Variants in EPB41L2 observed in about 807,000 individuals in gnomAD.
EPB41L2 encodes the protein band 4.1-like protein 2.
Under a neutral mutation model 113.0 loss-of-function variants are expected in EPB41L2, and 43 were observed. That is an observed-to-expected ratio of 0.38 (90% CI 0.30 to 0.49). The LOEUF is 0.49. Among genes scored for constraint, EPB41L2 ranks in the 20% least tolerant of loss-of-function variants. EPB41L2 has a pLI of 0.95. For missense variants in EPB41L2, 1,147 were observed against 1,223.4 expected, an observed-to-expected ratio of 0.94 and a Z score of 0.93; for synonymous variants, 442 against 436.7, an observed-to-expected ratio of 1.01 and a Z score of -0.15.
intron 4 of EPB41L2, among the ~76,000 whole-genome samples, chr6:130,919,089 C>T (rs563175242): frequency 2.6e-5 from 4 of 152,122 alleles, no homozygotes; most frequent in African/African-American, 4.8e-5. Context: ...AAAGATATTG[C>T]TAATTGTATT....
At position 130,885,122 on chromosome 6, in the gene EPB41L2, G is replaced by C; in HGVS notation, c.1807C>G (p.Pro603Ala). The C allele has an allele frequency of 6.2e-7, 1 of 1,614,052 alleles. No individual in the cohort carries two copies. Among genetic ancestry groups the C allele is most frequent in the South Asian group, 1.1e-5 (1 of 91,062 alleles). Reference protein sequence around the residue: ...RREVRSPTKAPHLQLIEGKKN... With the variant: ...RREVRSPTKAAHLQLIEGKKN... Reference sequence around the variant, plus strand: ...TTTCCTTCAATGAGCTGCAAATGTGGGGCTTTAGTTGGGCTTCTCACTTCC... The same window carrying C: ...TTTCCTTCAATGAGCTGCAAATGTGCGGCTTTAGTTGGGCTTCTCACTTCC... Residue 603 changes from proline (P) to alanine (A), a missense_variant, in exon 12 of 20, where the codon CCA (proline) becomes GCA (alanine). By Grantham distance (27) the Pro-to-Ala change is conservative. Coordinates refer to ENST00000337057, the MANE Select transcript of EPB41L2 (RefSeq NM_001431.4).
Position 130,910,184 on chromosome 6 carries a change from T to C in EPB41L2, c.811-1321A>G, listed in dbSNP as rs1009077415. On this transcript the variant is annotated intron_variant, in intron 4 of 19. Coordinates refer to ENST00000337057, the MANE Select transcript of EPB41L2 (RefSeq NM_001431.4). ...TGGTACTGGTACCAAAACAGATATATAGACCAATGGAACAGAACAGATGCC... is the reference window on the plus strand; with the variant it reads ...TGGTACTGGTACCAAAACAGATATACAGACCAATGGAACAGAACAGATGCC... 6.2e-4 allele frequency among the ~76,000 whole-genome samples: 95 copies of C among 152,082 alleles called. 2 individuals are homozygous for C. The highest frequency in any genetic ancestry group is 4.1e-4 in the South Asian group (2 of 4,820).
At chr6:131,054,562 C>CCTTCAGGTCT (rs368682201) in intron 1 of EPB41L2, among the ~76,000 whole-genome samples, 1 of 152,174 alleles carries the variant, frequency 6.6e-6, no homozygotes, top group Non-Finnish European at 1.5e-5. Context: ...TCCTCAGGTC[C>CCTTCAGGTCT]CTTCAGGTCT....
At chr6:131,055,873 T>A (rs1251861647) in intron 1 of EPB41L2, among the ~76,000 whole-genome samples, 1 of 152,148 alleles carries the variant, frequency 6.6e-6, no homozygotes, top group Non-Finnish European at 1.5e-5. Context: ...ACATGGTTAT[T>A]GATTATCAAA....
rs780758511 is a variant in EPB41L2 at position 130,954,040 on chromosome 6, C to CTTT, written c.705+1062_705+1064dup. ...TCCTCTTTTGCTAGTCCTTTTCTTT[C>CTTT]TTTTTTTTTTTTTTTTTTTTTTTTT... On this transcript the variant is annotated intron_variant, in intron 3 of 19. Coordinates refer to ENST00000337057, the MANE Select transcript of EPB41L2 (RefSeq NM_001431.4). 3.4e-3 allele frequency among the ~76,000 whole-genome samples: 200 copies of CTTT among 58,834 alleles called. 22 individuals carry two copies. Among genetic ancestry groups the CTTT allele is most frequent in the Middle Eastern group, 0.015 (1 of 68 alleles). 38.6% of individuals were successfully genotyped at this position (58,834 alleles called of 152,430 possible).
At chr6:130,938,618 T>C (rs1332468257) in intron 3 of EPB41L2, among the ~76,000 whole-genome samples, 1 of 152,176 alleles carries the variant, frequency 6.6e-6, no homozygotes, top group African/African-American at 2.4e-5. Context: ...CTACTGGTAG[T>C]GTGCCCACCT....
intron 1 of EPB41L2, among the ~76,000 whole-genome samples, chr6:130,991,244 A>T (rs1343477610): frequency 6.6e-6 from 1 of 152,132 alleles, no homozygotes; most frequent in African/African-American, 2.4e-5. Flanking sequence ...CCCATCTGCC[A>T]TGTTAGTAAT....
At chr6:130,915,958 T>A (rs1800917084) in intron 4 of EPB41L2, among the ~76,000 whole-genome samples, 1 of 152,232 alleles carries the variant, frequency 6.6e-6, no homozygotes, top group South Asian at 2.1e-4. Context: ...TATGTCTTTA[T>A]CAGCAGTATG....
intron 1 of EPB41L2, among the ~76,000 whole-genome samples, chr6:130,970,872 C>T (rs957272944): frequency 6.6e-6 from 1 of 152,026 alleles, no homozygotes; most frequent in Admixed American, 6.6e-5. Flanking sequence ...AATTTAATGC[C>T]TTGTACTTTT....
intron 4 of EPB41L2, among the ~76,000 whole-genome samples, chr6:130,920,813 C>T (rs1562489751): frequency 6.6e-6 from 1 of 152,042 alleles, no homozygotes; most frequent in Non-Finnish European, 1.5e-5. Context: ...CCTGGCCTCT[C>T]AAATTCTTTA....
At chr6:130,846,797 T>C (rs872577) in intron 19 of EPB41L2, among the ~76,000 whole-genome samples, 48,852 of 152,054 alleles carry the variant, frequency 0.32, 8,598 homozygotes, top group East Asian at 0.47. Flanking sequence ...TTACTTCAAA[T>C]AGTAATAAAG....
intron 1 of EPB41L2, among the ~76,000 whole-genome samples, chr6:131,045,248 A>G (rs1046910559): frequency 8.5e-5 from 13 of 152,058 alleles, no homozygotes; most frequent in Non-Finnish European, 1.5e-5. Context: ...ACCCCTTAAA[A>G]TGAGGTATCT....
At chr6:130,912,915 T>C (rs1583379503) in intron 4 of EPB41L2, among the ~76,000 whole-genome samples, 1 of 152,080 alleles carries the variant, frequency 6.6e-6, no homozygotes, top group South Asian at 2.1e-4. Context: ...CCCCAGAATA[T>C]TAACACAGAG....
intron 3 of EPB41L2, among the ~76,000 whole-genome samples, chr6:130,952,921 A>C (rs1391765339): frequency 6.6e-6 from 1 of 151,748 alleles, no homozygotes; most frequent in African/African-American, 2.4e-5. Flanking sequence ...TTTTTAAAAT[A>C]TTTTATGATT....
intron 1 of EPB41L2, among the ~76,000 whole-genome samples, chr6:131,010,216 G>A (rs968993410): frequency 1.3e-5 from 2 of 152,092 alleles, no homozygotes; most frequent in African/African-American, 4.8e-5. Flanking sequence ...GTAAAATGGA[G>A]CTGTGTTTCT....
At chr6:130,952,278 T>C (rs1226066650) in intron 3 of EPB41L2, among the ~76,000 whole-genome samples, 1 of 149,704 alleles carries the variant, frequency 6.7e-6, no homozygotes, top group East Asian at 1.9e-4. Flanking sequence ...CTGGATTCCA[T>C]CAATCTAGCA....
rs200705896 is a variant in EPB41L2, at chr6:130,900,234, A to AT, written c.1149-657dup. ...GAAAACATTTAGAGTCAAATACCAT[A>AT]TTTTTTTTAAAGAAAAATCAATGAA... On this transcript the variant is annotated intron_variant, in intron 7 of 19. Transcript: ENST00000337057. Among the ~76,000 whole-genome samples, 7 of 152,056 alleles carry AT rather than the reference A, an allele frequency of 4.6e-5. No individual in the cohort carries two copies. The South Asian group carries it at 1.0e-3, about 23-fold the overall frequency.
intron 16 of EPB41L2, among the ~76,000 whole-genome samples, chr6:130,866,124 T>C (rs1783672608): frequency 6.6e-6 from 1 of 152,228 alleles, no homozygotes. Flanking sequence ...CTAGCGATTG[T>C]TTTCATCAAC....
intron 1 of EPB41L2, among the ~76,000 whole-genome samples, chr6:131,049,626 T>C (rs1017488895): frequency 2.0e-5 from 3 of 152,208 alleles, no homozygotes; most frequent in Non-Finnish European, 2.9e-5. Flanking sequence ...AGGCTGAATA[T>C]GAACCATTGT....
Sources: allele counts gnomAD v4.1 joint callset (sites outside exome capture counted in the v4.1 genomes callset), GRCh38; gene constraint gnomAD v4.1.1; transcripts MANE v1.5; gene names NCBI Gene and HGNC (gene_info 2026-07-23, HGNC 2026-07-21).